SMG7: variants seen among roughly 807,000 people sequenced by gnomAD.
SMG7 encodes SMG7 nonsense mediated mRNA decay factor, also known as nonsense-mediated mRNA decay factor SMG7.
In SMG7, 34 loss-of-function variants were observed where a neutral mutation model predicts 148.2. The observed-to-expected ratio is 0.23, with a 90% CI of 0.17 to 0.31. The LOEUF (loss-of-function observed/expected upper bound fraction) is 0.31. Ranked by LOEUF, SMG7 falls within the 10% of genes least tolerant of loss-of-function variation. SMG7 has a pLI of 1.00. For missense variants in SMG7, 1,114 were observed against 1,408.4 expected (o/e 0.79, Z 3.35); for synonymous variants, 492 against 515.1 (o/e 0.96, Z 0.61).
chr1:183,486,979 G>A (rs1655599020), intron 1 of SMG7, among the ~76,000 whole-genome samples: 1 of 152,194 alleles, frequency 6.6e-6, no homozygotes, highest in Non-Finnish European at 1.5e-5. Context: ...GAATACAGGA[G>A]TTTATTAGGT....
chr1:183,516,032 A>C, intron 3 of SMG7, 41 bp downstream of exon 3: 1 of 1,213,634 alleles, frequency 8.2e-7, no homozygotes, highest in Non-Finnish European at 1.2e-6. Flanking sequence ...TGTAAGATCA[A>C]GAATTTCACC....
intron 1 of SMG7, chr1:183,472,900 GTGAGAA>G (rs1266091753): frequency 2.5e-6 from 1 of 396,644 alleles, no homozygotes; most frequent in Non-Finnish European, 4.4e-6. Context: ...TTGGGGAAGC[GTGAGAA>G]TGTGCGCGCG....
intron 1 of SMG7, chr1:183,502,220 T>G (rs1051066951): frequency 1.4e-6 from 2 of 1,382,320 alleles, no homozygotes; most frequent in African/African-American, 2.9e-5. Flanking sequence ...TTATTGTGGG[T>G]TAACTCATAT....
rs3832026 is a variant in SMG7, at chr1:183,553,608, G to GCCCCCCCCCCCCCCC, written c.*1685_*1686insCCCCCCCCCCCCCCC. 18 of 128,358 alleles carry GCCCCCCCCCCCCCCC rather than the reference G, an allele frequency of 1.4e-4. No individual in the cohort carries two copies. Among genetic ancestry groups the GCCCCCCCCCCCCCCC allele is most frequent in the Non-Finnish European group, 1.5e-4 (9 of 59,286 alleles). The allele number at this position is 128,358 out of a possible 1,614,324, so 8.0% of individuals were successfully genotyped here. A position where few individuals can be genotyped will look rare whatever the true frequency, so the allele number is the denominator to read the frequency against. ...TTGCTCTTCAGAGAGAGTGGTTGGAGCCCCCCCCGCCCCGTATGCTTACAT... is the reference window on the plus strand; with the variant it reads ...TTGCTCTTCAGAGAGAGTGGTTGGAGCCCCCCCCCCCCCCCCCCCCCCCGCCCCGTATGCTTACAT... On this transcript the variant is annotated 3_prime_UTR_variant, in exon 23 of 23. Transcript: ENST00000688051.
At position 183,549,716 on chromosome 1, in the gene SMG7, AT is replaced by A. The variant is rs751423065; in HGVS notation, c.2974-47del. 2.0e-6 allele frequency: 3 copies of A among 1,525,468 alleles called. No homozygotes were observed. The South Asian group carries it at 3.4e-5, about 17-fold the overall frequency. The allele number at this position is 1,525,468 out of a possible 1,614,324, so 94.5% of individuals were successfully genotyped here. A position where few individuals can be genotyped will look rare whatever the true frequency, so the allele number is the denominator to read the frequency against. On this transcript the variant is annotated intron_variant, in intron 19 of 22. Transcript: ENST00000688051. The stretch of plus-strand genomic sequence containing the variant: ...TGAACAAGACATTGGATTTTCTCAA[AT>A]CTCTTTCCTTGGGGTGAGTTTATAA...
chr1:183,484,472 C>T (rs1219142707), intron 1 of SMG7, among the ~76,000 whole-genome samples: 1 of 151,528 alleles, frequency 6.6e-6, no homozygotes, highest in Non-Finnish European at 1.5e-5. Context: ...TTTTTGTTAC[C>T]TGTGCTGTTT....
chr1:183,506,355 C>T (rs1273678337), intron 1 of SMG7, among the ~76,000 whole-genome samples: 1 of 152,014 alleles, frequency 6.6e-6, no homozygotes, highest in African/African-American at 2.4e-5. Flanking sequence ...AAGAAAAGCT[C>T]CTTTAGGAGC....
intron 10 of SMG7, among the ~76,000 whole-genome samples, chr1:183,536,855 A>G (rs1349167984): frequency 2.0e-5 from 3 of 152,160 alleles, no homozygotes; most frequent in Admixed American, 1.3e-4. Flanking sequence ...TCAGTTTTCC[A>G]TGTTTAAAAC....
At chr1:183,533,072 G>A in intron 8 of SMG7, 92 bp from the exon 9 acceptor site, 1 of 1,014,604 alleles carries the variant, frequency 9.9e-7, no homozygotes. Context: ...TACACATGGT[G>A]GTTCTAAATG....
At chr1:183,532,511 A>G (rs191914570) in intron 8 of SMG7, among the ~76,000 whole-genome samples, 1 of 152,338 alleles carries the variant, frequency 6.6e-6, no homozygotes, top group East Asian at 1.9e-4. Context: ...TAGAAGGTAA[A>G]TGAAATTTGA....
chr1:183,497,220 G>A (rs1362706003), intron 1 of SMG7, among the ~76,000 whole-genome samples: 1 of 152,200 alleles, frequency 6.6e-6, no homozygotes, highest in Non-Finnish European at 1.5e-5. Flanking sequence ...AGTCTGACCT[G>A]CATAGTCCAG....
intron 1 of SMG7, among the ~76,000 whole-genome samples, chr1:183,505,696 C>G (rs1479628902): frequency 6.6e-6 from 1 of 152,242 alleles, no homozygotes; most frequent in African/African-American, 2.4e-5. Context: ...ATTATTGTAG[C>G]TGTTATGGGT....
At chr1:183,500,945 G>A (rs1031156229) in intron 1 of SMG7, among the ~76,000 whole-genome samples, 2 of 152,182 alleles carry the variant, frequency 1.3e-5, no homozygotes, top group African/African-American at 4.8e-5. Context: ...AGTCACAGGA[G>A]ATTGAATACA....
intron 3 of SMG7, 99 bp from the exon 4 acceptor site, chr1:183,517,589 G>C: frequency 9.2e-7 from 1 of 1,083,138 alleles, no homozygotes; most frequent in South Asian, 1.3e-5. Context: ...TGTCTCGTGT[G>C]GTATAATTAT....
In SMG7 at chr1:183,552,605, G is replaced by T; in HGVS notation, c.*674G>T. 2 of 1,033,762 alleles carry T rather than the reference G, an allele frequency of 1.9e-6. No individual in the cohort carries two copies. The highest frequency in any genetic ancestry group is 5.1e-5 in the Admixed American group (1 of 19,690). 64.0% of individuals were successfully genotyped at this position (1,033,762 alleles called of 1,614,324 possible). On this transcript the variant is annotated 3_prime_UTR_variant, in exon 23 of 23. Transcript: ENST00000688051. ...GAAGGCTCTGGTAGGCCTTCCTCTG[G>T]CCAGGAGACTCCAGCAGGGAATGCC...
intron 1 of SMG7, among the ~76,000 whole-genome samples, chr1:183,490,145 G>A (rs1399727186): frequency 1.8e-4 from 28 of 152,204 alleles, no homozygotes; most frequent in Admixed American, 1.7e-3. Flanking sequence ...GTCAGGGAAG[G>A]TCATTGGTAA....
rs1670534593 is a variant in SMG7 at position 183,549,284 on chromosome 1, A to G, written c.2969A>G (p.Asn990Ser). ...CTGTCCCTCACCGGATTCTCTCTCA[A>G]TCAGGTAGGTGAACAATGAAGAATC... is the stretch of plus-strand genomic sequence containing the variant. ...SFLSLTGFSL[N>S]QERYPNNSMF... The change falls in exon 19 of 23, where the codon AAT becomes AGT. Residue 990 changes from asparagine (N) to serine (S), a missense_variant. By Grantham distance (46) the Asn-to-Ser change is conservative. Around this residue, in one of 4 missense-constraint regions of SMG7, gnomAD observed 788 missense variants for 894.5 expected, o/e 0.88. Transcript: ENST00000688051. 3 of 1,609,228 alleles carry G rather than the reference A, an allele frequency of 1.9e-6. No homozygotes were observed. Among genetic ancestry groups the G allele is most frequent in the African/African-American group, 1.3e-5 (1 of 74,906 alleles).
intron 16 of SMG7, 80 bp from the exon 17 acceptor site, chr1:183,545,886 T>G: frequency 6.7e-7 from 1 of 1,483,364 alleles, no homozygotes; most frequent in South Asian, 1.4e-5. Context: ...CACCCCAAGT[T>G]CATTCTGTGA....
At chr1:183,522,678 C>T (rs185258946) in intron 4 of SMG7, among the ~76,000 whole-genome samples, 105 of 152,084 alleles carry the variant, frequency 6.9e-4, no homozygotes, top group Non-Finnish European at 1.2e-3. Context: ...AATGTAACTT[C>T]AGCAGTGTTG....
Sources: allele counts gnomAD v4.1 joint callset (sites outside exome capture counted in the v4.1 genomes callset), GRCh38; gene constraint gnomAD v4.1.1; regional missense constraint gnomAD v4.1.1; transcripts MANE v1.5; gene names NCBI Gene and HGNC (gene_info 2026-07-23, HGNC 2026-07-21).